TMEM132C: variants seen among roughly 807,000 people sequenced by gnomAD.
The protein encoded by TMEM132C is transmembrane protein 132C, also known as protein phosphatase 1, regulatory subunit 152.
In TMEM132C, 29 loss-of-function variants were observed where a neutral mutation model predicts 61.4. That is an observed-to-expected ratio of 0.47 (90% CI 0.35 to 0.64). TMEM132C has a LOEUF of 0.64. Among genes scored for constraint, TMEM132C ranks in the 30% least tolerant of loss-of-function variants. TMEM132C has a pLI of 0.00. For missense variants in TMEM132C, 1,408 were observed against 1,476.9 expected, an observed-to-expected ratio of 0.95 and a Z score of 0.76; for synonymous variants, 656 against 633.1, an observed-to-expected ratio of 1.04 and a Z score of -0.54.
At chr12:128,413,688 T>C (rs965184898) in intron 1 of TMEM132C, among the ~76,000 whole-genome samples, 1 of 151,860 alleles carries the variant, frequency 6.6e-6, no homozygotes, top group Non-Finnish European at 1.5e-5. Flanking sequence ...TATCCTTTAC[T>C]CACTTCTCTC....
intron 1 of TMEM132C, among the ~76,000 whole-genome samples, chr12:128,377,823 G>C (rs1403245271): frequency 6.6e-6 from 1 of 152,150 alleles, no homozygotes; most frequent in African/African-American, 2.4e-5. Flanking sequence ...CTGCGGACTC[G>C]TCAACATTGC....
chr12:128,689,628 C>A lies in TMEM132C; in HGVS notation c.1450-4201C>A, dbSNP rs536652680. 5.2e-4 allele frequency among the ~76,000 whole-genome samples: 79 copies of A among 152,196 alleles called. No individual in the cohort carries two copies. The Middle Eastern group carries it at 0.017, about 33-fold the overall frequency. ...ATAAGTTTGAAATGTTAATTAGAGA[C>A]CCAAGTGGAGACGTGGAAGAAGCAG... On this transcript the variant is annotated intron_variant, in intron 5 of 8. Coordinates refer to ENST00000435159, the MANE Select transcript of TMEM132C (RefSeq NM_001136103.3).
intron 4 of TMEM132C, among the ~76,000 whole-genome samples, chr12:128,639,868 A>G (rs781413496): frequency 1.3e-5 from 2 of 152,240 alleles, no homozygotes; most frequent in Non-Finnish European, 2.9e-5. Flanking sequence ...GGCTATGTTA[A>G]TACCATTTTC....
intron 4 of TMEM132C, among the ~76,000 whole-genome samples, chr12:128,641,808 T>A (rs183159851): frequency 6.6e-6 from 1 of 152,320 alleles, no homozygotes; most frequent in African/African-American, 2.4e-5. Flanking sequence ...AAGTTTTTAT[T>A]TTTTGAGATG....
At chr12:128,504,803 G>T (rs970475658) in intron 2 of TMEM132C, among the ~76,000 whole-genome samples, 1 of 103,984 alleles carries the variant, frequency 9.6e-6, no homozygotes, top group African/African-American at 3.9e-5. Flanking sequence ...TAAATTACAT[G>T]AATTTAGGTG....
chr12:128,558,587 TAGC>T, intron 3 of TMEM132C, among the ~76,000 whole-genome samples: 1 of 152,378 alleles, frequency 6.6e-6, no homozygotes, highest in African/African-American at 2.4e-5. Flanking sequence ...ATGTCTTTAC[TAGC>T]AGCATGAGAA....
intron 8 of TMEM132C, among the ~76,000 whole-genome samples, chr12:128,698,931 A>G (rs1017255018): frequency 6.6e-6 from 1 of 152,226 alleles, no homozygotes; most frequent in Non-Finnish European, 1.5e-5. Context: ...CGATAGTGCT[A>G]CAAAGCAGAG....
At chr12:128,552,091 C>G (rs1245914297) in intron 3 of TMEM132C, among the ~76,000 whole-genome samples, 1 of 152,230 alleles carries the variant, frequency 6.6e-6, no homozygotes. Context: ...CCAGCGGGGT[C>G]GGTGTAGGCA....
At chr12:128,287,468 T>G (rs1205401369) in intron 1 of TMEM132C, among the ~76,000 whole-genome samples, 2 of 151,620 alleles carry the variant, frequency 1.3e-5, no homozygotes, top group Non-Finnish European at 2.9e-5. Context: ...TTTCTCTCTC[T>G]CTCCCCCTCT....
chr12:128,411,886 C>A (rs1274408228), intron 1 of TMEM132C, among the ~76,000 whole-genome samples: 4 of 152,216 alleles, frequency 2.6e-5, no homozygotes, highest in South Asian at 2.1e-4. Flanking sequence ...ATGTCCCTTT[C>A]TATATTTGTA....
intron 3 of TMEM132C, among the ~76,000 whole-genome samples, chr12:128,564,479 A>G (rs1371867153): frequency 1.3e-5 from 2 of 152,188 alleles, no homozygotes; most frequent in East Asian, 3.9e-4. Flanking sequence ...ACTGTCCAGC[A>G]GTGCTTTATG....
chr12:128,441,555 G>A (rs764404628), intron 2 of TMEM132C, among the ~76,000 whole-genome samples: 39 of 152,194 alleles, frequency 2.6e-4, no homozygotes, highest in African/African-American at 8.9e-4. Flanking sequence ...GTGGCATGCC[G>A]AGATACTTTG....
intron 2 of TMEM132C, among the ~76,000 whole-genome samples, chr12:128,420,087 T>C (rs533074686): frequency 6.6e-6 from 1 of 151,962 alleles, no homozygotes; most frequent in African/African-American, 2.4e-5. Context: ...TCCCAGCTAC[T>C]TGGGAGGCTG....
intron 4 of TMEM132C, among the ~76,000 whole-genome samples, chr12:128,621,644 G>A (rs978863782): frequency 6.6e-6 from 1 of 152,196 alleles, no homozygotes; most frequent in Admixed American, 6.5e-5. Context: ...CCGTGGTACT[G>A]TTTCGGGAGC....
At chr12:128,611,179 G>A (rs1593119672) in intron 3 of TMEM132C, among the ~76,000 whole-genome samples, 1 of 146,592 alleles carries the variant, frequency 6.8e-6, no homozygotes, top group South Asian at 2.2e-4. Flanking sequence ...CAGTACCTGG[G>A]GAAGCCAGGC....
intron 1 of TMEM132C, among the ~76,000 whole-genome samples, chr12:128,379,980 C>T (rs1414663381): frequency 6.6e-6 from 1 of 152,234 alleles, no homozygotes; most frequent in East Asian, 1.9e-4. Flanking sequence ...CGATCAAGCA[C>T]TTGTCACAGT....
intron 2 of TMEM132C, among the ~76,000 whole-genome samples, chr12:128,459,424 G>A (rs1593061201): frequency 6.6e-6 from 1 of 152,220 alleles, no homozygotes; most frequent in Non-Finnish European, 1.5e-5. Context: ...GACCAAGGAA[G>A]TGGGCTCTTT....
intron 2 of TMEM132C, among the ~76,000 whole-genome samples, chr12:128,468,350 T>A (rs1460111402): frequency 2.6e-5 from 4 of 151,962 alleles, no homozygotes; most frequent in Non-Finnish European, 2.9e-5. Flanking sequence ...AGAGTTTTGC[T>A]CTTGTCACCC....
chr12:128,275,310 C>T (rs774602249), intron 1 of TMEM132C, among the ~76,000 whole-genome samples: 14 of 152,134 alleles, frequency 9.2e-5, no homozygotes, highest in Non-Finnish European at 1.6e-4. Context: ...TGAGCTCTGC[C>T]TCCTGTAAGA....
Sources: gnomAD v4.1 joint callset for allele counts (sites outside exome capture counted in the v4.1 genomes callset) on GRCh38, gnomAD v4.1.1 for gene constraint, MANE v1.5 for transcripts, NCBI Gene and HGNC (gene_info 2026-07-23, HGNC 2026-07-21) for gene names.